The following CNTNAP2 variants were observed in gnomAD, a reference collection of about 807,000 sequenced individuals.
CNTNAP2 encodes contactin-associated protein-like 2.
Under a neutral mutation model 155.2 loss-of-function variants are expected in CNTNAP2, and 98 were observed. The observed-to-expected ratio is 0.63, with a 90% confidence interval of 0.54 to 0.75. The LOEUF (loss-of-function observed/expected upper bound fraction) is 0.75. CNTNAP2 is among the 30% of genes least tolerant of loss of function. The pLI, the probability that CNTNAP2 is intolerant of heterozygous loss-of-function variation, is 0.00. For missense variants in CNTNAP2, 1,727 were observed against 1,688.1 expected, an observed-to-expected ratio of 1.02 and a Z score of -0.40; for synonymous variants, 651 against 631.2, an observed-to-expected ratio of 1.03 and a Z score of -0.47.
Position 148,415,646 on chromosome 7 carries a change from G to A in CNTNAP2, c.*30G>A, listed in dbSNP as rs1799968915. 6.2e-7 allele frequency: 1 copy of A among 1,611,940 alleles called. No homozygotes were observed. Among genetic ancestry groups the A allele is most frequent in the African/African-American group, 1.3e-5 (1 of 74,824 alleles). ...TGGCTACTTGGCTATGGGATAGGGA[G>A]GAGGGAATTACTAGGGAGGAGAGAA... On this transcript the variant is annotated 3_prime_UTR_variant, in exon 24 of 24. Coordinates refer to ENST00000361727, the MANE Select transcript of CNTNAP2 (RefSeq NM_014141.6).
chr7:147,733,734 C>T (rs1346102400), intron 13 of CNTNAP2, among the ~76,000 whole-genome samples: 1 of 152,182 alleles, frequency 6.6e-6, no homozygotes, highest in African/African-American at 2.4e-5. Flanking sequence ...AGGTCCTTCA[C>T]ATCCTTTGTA....
chr7:148,260,766 A>G (rs1400820259), intron 20 of CNTNAP2, among the ~76,000 whole-genome samples: 1 of 152,230 alleles, frequency 6.6e-6, no homozygotes, highest in Non-Finnish European at 1.5e-5. Context: ...CTCCTCTGAC[A>G]GTCTCCAGCT....
chr7:146,287,464 T>G (rs1800355374), intron 1 of CNTNAP2, among the ~76,000 whole-genome samples: 2 of 152,142 alleles, frequency 1.3e-5, no homozygotes, highest in Admixed American at 1.3e-4. Flanking sequence ...TTTGAAGACA[T>G]ATTATGATTT....
At chr7:146,472,074 A>G (rs1796807320) in intron 1 of CNTNAP2, among the ~76,000 whole-genome samples, 1 of 152,222 alleles carries the variant, frequency 6.6e-6, no homozygotes, top group African/African-American at 2.4e-5. Flanking sequence ...ATGTAGCTCA[A>G]TTTAACTTTC....
chr7:146,507,106 G>A (rs1584955888), intron 1 of CNTNAP2, among the ~76,000 whole-genome samples: 1 of 152,130 alleles, frequency 6.6e-6, no homozygotes, highest in Non-Finnish European at 1.5e-5. Context: ...CCCAGTCTGG[G>A]GTTCATTACC....
chr7:147,000,779 C>A (rs953569611), intron 3 of CNTNAP2, among the ~76,000 whole-genome samples: 5 of 152,096 alleles, frequency 3.3e-5, no homozygotes, highest in African/African-American at 1.2e-4. Flanking sequence ...GCTAGTGCAG[C>A]AGTGGGTCAT....
chr7:148,172,284 C>G lies in CNTNAP2; in HGVS notation c.2816C>G (p.Ser939Cys). The G allele has an allele frequency of 6.2e-7, 1 of 1,614,136 alleles. No homozygotes were observed. The highest frequency in any genetic ancestry group is 8.5e-7 in the Non-Finnish European group (1 of 1,180,020). Residue 939 changes from serine to cysteine, a missense_variant, in exon 18 of 24, where the codon TCC becomes TGC. By Grantham distance (112) the Ser-to-Cys change is moderately radical. Coordinates refer to ENST00000361727, the MANE Select transcript of CNTNAP2 (RefSeq NM_014141.6). Reference protein sequence around the residue: ...GQQGFLGCIRSLRMNGVTLDL... With the variant: ...GQQGFLGCIRCLRMNGVTLDL... ...CAGGGCTTCCTGGGCTGCATCCGCT[C>G]CTTGAGGATGAATGGGGTGACACTT...
At chr7:146,882,021 G>A (rs945379042) in intron 3 of CNTNAP2, among the ~76,000 whole-genome samples, 3 of 151,814 alleles carry the variant, frequency 2.0e-5, no homozygotes, top group Non-Finnish European at 4.4e-5. Context: ...GTGTCCATTT[G>A]TACCCAATGT....
At chr7:146,328,453 A>C (rs1460773079) in intron 1 of CNTNAP2, among the ~76,000 whole-genome samples, 1 of 152,078 alleles carries the variant, frequency 6.6e-6, no homozygotes, top group African/African-American at 2.4e-5. Context: ...ATATTGATAA[A>C]TTTGTACATT....
chr7:146,768,423 A>G (rs1286643992), intron 1 of CNTNAP2, among the ~76,000 whole-genome samples: 4 of 151,560 alleles, frequency 2.6e-5, no homozygotes, highest in African/African-American at 4.8e-5. Context: ...GCCCCCCCAC[A>G]TTTCTGACCA....
chr7:148,076,331 C>T (rs150045710), intron 15 of CNTNAP2, among the ~76,000 whole-genome samples: 4 of 147,560 alleles, frequency 2.7e-5, no homozygotes, highest in African/African-American at 9.9e-5. Context: ...ATGTGTAGGA[C>T]AATGCCCCGC....
At chr7:147,269,887 C>G (rs1284990928) in intron 8 of CNTNAP2, among the ~76,000 whole-genome samples, 1 of 152,008 alleles carries the variant, frequency 6.6e-6, no homozygotes, top group Non-Finnish European at 1.5e-5. Flanking sequence ...ACCACTGTCT[C>G]TAAAAAATAT....
At chr7:148,187,029 C>T (rs1795126227) in intron 18 of CNTNAP2, among the ~76,000 whole-genome samples, 1 of 152,002 alleles carries the variant, frequency 6.6e-6, no homozygotes. Context: ...AGGCCTAAGT[C>T]CTAAAAGTTC....
intron 20 of CNTNAP2, among the ~76,000 whole-genome samples, chr7:148,255,433 T>G (rs139275379): frequency 3.3e-5 from 5 of 152,362 alleles, no homozygotes; most frequent in African/African-American, 1.2e-4. Flanking sequence ...AAAATCCGTT[T>G]GCTTGGTTTC....
intron 1 of CNTNAP2, among the ~76,000 whole-genome samples, chr7:146,697,942 C>CT (rs1241298734): frequency 6.6e-6 from 1 of 152,018 alleles, no homozygotes; most frequent in Non-Finnish European, 1.5e-5. Flanking sequence ...TCTCTTATCT[C>CT]TTTTTTACTT....
intron 13 of CNTNAP2, among the ~76,000 whole-genome samples, chr7:147,693,148 A>T (rs1796114450): frequency 6.6e-6 from 1 of 152,056 alleles, no homozygotes; most frequent in African/African-American, 2.4e-5. Context: ...CGTCAAGATC[A>T]CTTGGCTATA....
intron 9 of CNTNAP2, among the ~76,000 whole-genome samples, chr7:147,316,977 T>C (rs1183558007): frequency 6.6e-6 from 1 of 152,238 alleles, no homozygotes; most frequent in Non-Finnish European, 1.5e-5. Flanking sequence ...ATTTTCCATA[T>C]CAGTGAATGT....
intron 3 of CNTNAP2, among the ~76,000 whole-genome samples, chr7:146,872,705 A>T (rs961068789): frequency 6.6e-6 from 1 of 152,220 alleles, no homozygotes; most frequent in Non-Finnish European, 1.5e-5. Flanking sequence ...ACACATTAGG[A>T]GATAATAGCT....
chr7:147,097,594 G>A (rs1309219872), intron 4 of CNTNAP2: 1 of 152,184 alleles, frequency 6.6e-6, no homozygotes, highest in Non-Finnish European at 1.5e-5. Flanking sequence ...AACAGTATGA[G>A]GGAAACGGTC....
Sources: gnomAD v4.1 joint callset for allele counts (sites outside exome capture counted in the v4.1 genomes callset) on GRCh38, gnomAD v4.1.1 for gene constraint, MANE v1.5 for transcripts, NCBI Gene and HGNC (gene_info 2026-07-23, HGNC 2026-07-21) for gene names.